The following PRKG1 variants were observed in gnomAD, a reference collection of about 807,000 sequenced individuals.
The protein encoded by PRKG1 is cGMP-dependent protein kinase 1.
A neutral mutation model predicts 88.1 loss-of-function variants in PRKG1; 35 were observed. That is an observed-to-expected ratio of 0.40 (90% CI 0.30 to 0.53). The LOEUF (loss-of-function observed/expected upper bound fraction) is 0.53. PRKG1 is among the 20% of genes least tolerant of loss of function. PRKG1 has a pLI of 0.59. For synonymous variants in PRKG1, 303 were observed against 292.5 expected (o/e 1.04, Z -0.37); for missense variants, 540 against 839.8 (o/e 0.64, Z 4.41).
chr10:51,590,816 G>C (rs567618837), intron 3 of PRKG1, among the ~76,000 whole-genome samples: 4 of 152,136 alleles, frequency 2.6e-5, no homozygotes, highest in East Asian at 1.9e-4. Flanking sequence ...TTCGATATGG[G>C]GGGGGTGGGG....
intron 1 of PRKG1, among the ~76,000 whole-genome samples, chr10:50,996,905 T>C (rs1018449780): frequency 1.3e-5 from 2 of 152,212 alleles, no homozygotes; most frequent in African/African-American, 4.8e-5. Context: ...AGCTGAGTAA[T>C]ATTTCTGACA....
At chr10:51,709,886 G>A (rs1841699920) in intron 3 of PRKG1, among the ~76,000 whole-genome samples, 1 of 152,160 alleles carries the variant, frequency 6.6e-6, no homozygotes, top group African/African-American at 2.4e-5. Flanking sequence ...ATCCCCACCA[G>A]GAAGGAAACT....
chr10:51,705,901 G>T (rs186390293), intron 3 of PRKG1, among the ~76,000 whole-genome samples: 1 of 152,154 alleles, frequency 6.6e-6, no homozygotes, highest in Non-Finnish European at 1.5e-5. Flanking sequence ...CTGAAAGCAG[G>T]TCTCCTGAAT....
At chr10:51,975,871 T>G (rs1224940247) in intron 5 of PRKG1, among the ~76,000 whole-genome samples, 1 of 152,020 alleles carries the variant, frequency 6.6e-6, no homozygotes, top group Non-Finnish European at 1.5e-5. Flanking sequence ...GGAGAAAATA[T>G]CTGATAAGGG....
chr10:51,714,528 T>A (rs2132439368), intron 3 of PRKG1, among the ~76,000 whole-genome samples: 1 of 152,282 alleles, frequency 6.6e-6, no homozygotes, highest in East Asian at 1.9e-4. Flanking sequence ...TTCCTTTATA[T>A]CTTGAAAGAT....
In PRKG1 at chr10:52,062,575, A is replaced by G; in HGVS notation, c.879A>G (p.Pro293=). ...GTGAAGACTCACCGAGTGAAGACCC[A>G]GTCTTTCTTAGAACTTTAGGAAAAG... The part of the protein sequence containing the change: ...VTREDSPSED[P]VFLRTLGKGD... The change falls in exon 7 of 18, where the codon CCA becomes CCG. Residue 293 remains proline, a synonymous_variant. Transcript: ENST00000373980. The G allele has an allele frequency of 6.2e-7, 1 of 1,607,554 alleles. No individual in the cohort carries two copies. The highest frequency in any genetic ancestry group is 8.5e-7 in the Non-Finnish European group (1 of 1,177,962).
chr10:52,240,440 A>G (rs1303497334), intron 9 of PRKG1, among the ~76,000 whole-genome samples: 1 of 152,308 alleles, frequency 6.6e-6, no homozygotes, highest in East Asian at 1.9e-4. Context: ...GGACCAGAAA[A>G]CGGACCATAA....
chr10:51,140,618 C>G (rs1002470360), intron 1 of PRKG1, among the ~76,000 whole-genome samples: 1 of 152,124 alleles, frequency 6.6e-6, no homozygotes, highest in Non-Finnish European at 1.5e-5. Flanking sequence ...ATGAAAATAT[C>G]GTATACTCAA....
chr10:51,880,027 C>T (rs1457234360), intron 4 of PRKG1, among the ~76,000 whole-genome samples: 1 of 152,252 alleles, frequency 6.6e-6, no homozygotes, highest in African/African-American at 2.4e-5. Flanking sequence ...CCAGCCTGCA[C>T]ATCCATTGGA....
At chr10:52,165,125 A>C (rs2132695217) in intron 9 of PRKG1, among the ~76,000 whole-genome samples, 1 of 152,306 alleles carries the variant, frequency 6.6e-6, no homozygotes, top group South Asian at 2.1e-4. Context: ...AAACCAGCCA[A>C]ATAAGTAAAT....
rs564491867 is a variant in PRKG1, at chr10:51,016,152, TA to T, written c.266+24509del. Among the ~76,000 whole-genome samples the T allele has an allele frequency of 1.3e-3, 204 of 152,364 alleles. 1 individual carries two copies. The highest frequency in any genetic ancestry group is 4.7e-3 in the African/African-American group (197 of 41,594). On this transcript the variant is annotated intron_variant, in intron 1 of 17. Transcript: ENST00000401604. ...TAGCAATCACTTAATAAACACATTT[TA>T]CTGATTGCATTGCATTTGGCAGGGA...
intron 1 of PRKG1, among the ~76,000 whole-genome samples, chr10:51,022,024 C>G (rs536827276): frequency 1.7e-4 from 26 of 152,278 alleles, no homozygotes; most frequent in Admixed American, 4.6e-4. Flanking sequence ...TCGACAAACT[C>G]AAATGTGCAA....
intron 3 of PRKG1, among the ~76,000 whole-genome samples, chr10:51,798,209 C>A (rs1315050480): frequency 5.9e-5 from 9 of 151,968 alleles, no homozygotes; most frequent in Non-Finnish European, 1.3e-4. Flanking sequence ...GTTTAATTTT[C>A]TCAGGAACCA....
intron 3 of PRKG1, among the ~76,000 whole-genome samples, chr10:51,550,326 C>T (rs1008544690): frequency 1.3e-5 from 2 of 151,986 alleles, no homozygotes; most frequent in African/African-American, 4.8e-5. Context: ...ATTTTCTAAA[C>T]AAGATTTGAG....
Position 52,263,695 on chromosome 10 carries a change from C to A in PRKG1, c.1174-7655C>A, listed in dbSNP as rs117127689. The stretch of plus-strand genomic sequence containing the variant: ...GGCTCAAGCAATCTCCCACCTCATC[C>A]TCCCAAGTAGCTGGGACTAGAGGCA... On this transcript the variant is annotated intron_variant, in intron 10 of 17. Coordinates refer to ENST00000373980, the MANE Select transcript of PRKG1 (RefSeq NM_006258.4). Among the ~76,000 whole-genome samples, 20 of 151,952 alleles carry A rather than the reference C, an allele frequency of 1.3e-4. No individual in the cohort carries two copies. In the East Asian group the frequency reaches 3.9e-3, roughly 30 times the overall value.
chr10:51,854,347 C>G (rs375970265), intron 4 of PRKG1, among the ~76,000 whole-genome samples: 6 of 152,024 alleles, frequency 3.9e-5, no homozygotes, highest in African/African-American at 9.7e-5. Context: ...CTGATTACAT[C>G]GATATCTCTG....
At chr10:51,517,473 G>A (rs780084075) in intron 3 of PRKG1, among the ~76,000 whole-genome samples, 5 of 152,272 alleles carry the variant, frequency 3.3e-5, no homozygotes, top group African/African-American at 4.8e-5. Context: ...TGGGGATTGC[G>A]GGACAGCAGG....
intron 9 of PRKG1, among the ~76,000 whole-genome samples, chr10:52,249,182 C>T (rs963245987): frequency 6.7e-6 from 1 of 150,078 alleles, no homozygotes; most frequent in Non-Finnish European, 1.5e-5. Flanking sequence ...TGCTCTAGGA[C>T]CAGAAGAGCA....
At chr10:51,100,680 C>G (rs1844657747) in intron 1 of PRKG1, among the ~76,000 whole-genome samples, 1 of 152,156 alleles carries the variant, frequency 6.6e-6, no homozygotes, top group Non-Finnish European at 1.5e-5. Flanking sequence ...AGAAGCCTTT[C>G]AAACCTTTGG....
Sources: allele counts gnomAD v4.1 joint callset (sites outside exome capture counted in the v4.1 genomes callset), GRCh38; gene constraint gnomAD v4.1.1; transcripts MANE v1.5; gene names NCBI Gene and HGNC (gene_info 2026-07-23, HGNC 2026-07-21).